Variants in LRRC37B observed in about 807,000 individuals in gnomAD.
LRRC37B encodes leucine rich repeat containing 37B.
A neutral mutation model predicts 98.3 loss-of-function variants in LRRC37B; 28 were observed. That is an observed-to-expected ratio of 0.28 (90% CI 0.21 to 0.39). The LOEUF is 0.39. LRRC37B is among the 10% of genes least tolerant of loss of function. LRRC37B has a pLI of 1.00. For synonymous variants in LRRC37B, 364 were observed against 442.7 expected (o/e 0.82, Z 2.23); for missense variants, 938 against 1,182.7 (o/e 0.79, Z 3.03).
At chr17:32,021,423 A>T in exon 1 of LRRC37B, 1 of 1,613,636 alleles carries the variant, frequency 6.2e-7, no homozygotes, top group Non-Finnish European at 8.5e-7. Context: ...ACCAACTGAA[A>T]ATTTGGCTCC....
intron 8 of LRRC37B, 185 bp from the exon 12 acceptor site, chr17:32,047,576 T>A: frequency 2.4e-5 from 19 of 787,750 alleles, no homozygotes; most frequent in Non-Finnish European, 3.8e-5. Flanking sequence ...GGTGGCCATG[T>A]CTTTTCCTCC....
At chr17:32,011,863 G>A (rs188828763) in intron 1 of LRRC37B, among the ~76,000 whole-genome samples, 1 of 152,178 alleles carries the variant, frequency 6.6e-6, no homozygotes, top group East Asian at 1.9e-4. Context: ...TTTTCATTTG[G>A]TTCACAATAT....
intron 3 of LRRC37B, chr17:32,029,014 T>A (rs1333389742): frequency 6.6e-6 from 1 of 152,058 alleles, no homozygotes; most frequent in African/African-American, 2.4e-5. Flanking sequence ...TTTATTATTT[T>A]TTTTTGAGAC....
At position 32,049,575 on chromosome 17, in the gene LRRC37B, A is replaced by G. The variant is rs183971470; in HGVS notation, c.2757+181A>G. On this transcript the variant is annotated intron_variant, in intron 10 of 11. Transcript: ENST00000327564. Reference sequence around the variant, plus strand: ...ACAGTGAAATAGATTAGGGCACAAGATGAACTGTAGGCCGGGGGTGGTAGC... The same window carrying G: ...ACAGTGAAATAGATTAGGGCACAAGGTGAACTGTAGGCCGGGGGTGGTAGC... 1.0e-3 allele frequency among the ~76,000 whole-genome samples: 159 copies of G among 152,250 alleles called. 1 individual carries two copies. Among genetic ancestry groups the G allele is most frequent in the African/African-American group, 3.6e-3 (149 of 41,558 alleles).
At chr17:32,011,230 C>T (rs34986747) in intron 1 of LRRC37B, among the ~76,000 whole-genome samples, 2 of 152,038 alleles carry the variant, frequency 1.3e-5, no homozygotes, top group Non-Finnish European at 2.9e-5. Context: ...CCCCTGACCT[C>T]GTGATCCGCC....
exon 1 of LRRC37B, chr17:32,021,285 C>G (rs1462893075): frequency 1.2e-6 from 2 of 1,613,140 alleles, no homozygotes; most frequent in Non-Finnish European, 1.7e-6. Context: ...GCCACCTGAG[C>G]CCTGGTCTTC....
At chr17:32,010,941 T>A (rs901783391) in intron 1 of LRRC37B, among the ~76,000 whole-genome samples, 17 of 152,318 alleles carry the variant, frequency 1.1e-4, no homozygotes, top group African/African-American at 4.1e-4. Flanking sequence ...GTTCTATCCA[T>A]GTTGCTGCAA....
rs553321925 is a variant in LRRC37B, at chr17:32,043,377, G to T, written c.2205-2323G>T. On this transcript the variant is annotated intron_variant, in intron 7 of 11. Coordinates refer to ENST00000327564, the Ensembl canonical transcript of LRRC37B. ...GGAGTTTGAGACCAGCCTGGGCAAC[G>T]TGGTGAAACCCCATCTCTACAAAAA... Among the ~76,000 whole-genome samples, 398 of 152,096 alleles carry T rather than the reference G, an allele frequency of 2.6e-3. 1 individual carries two copies. Among genetic ancestry groups the T allele is most frequent in the African/African-American group, 9.3e-3 (385 of 41,488 alleles).
chr17:32,044,729 T>C (rs4037406), intron 7 of LRRC37B, among the ~76,000 whole-genome samples: 9 of 152,036 alleles, frequency 5.9e-5, no homozygotes, highest in Admixed American at 1.3e-4. Context: ...ATAACAAAAA[T>C]AAAAAACTAA....
chr17:32,033,299 A>G (rs1428684002), intron 5 of LRRC37B, among the ~76,000 whole-genome samples: 2 of 148,222 alleles, frequency 1.3e-5, no homozygotes, highest in Non-Finnish European at 3.0e-5. Flanking sequence ...ACTTTAACTC[A>G]AAAGAAGGAA....
chr17:32,017,697 CAAG>C (rs1293684358), upstream of LRRC37B, among the ~76,000 whole-genome samples: 1 of 151,942 alleles, frequency 6.6e-6, no homozygotes, highest in Non-Finnish European at 1.5e-5. Flanking sequence ...GAGGCTGAGG[CAAG>C]AAGATCACTT....
In LRRC37B at chr17:32,023,822, T is replaced by G. The variant is rs4038007; in HGVS notation, c.1761-889T>G. Among the ~76,000 whole-genome samples, 268 of 152,318 alleles carry G rather than the reference T, an allele frequency of 1.8e-3. 3 individuals are homozygous for G. Among genetic ancestry groups the G allele is most frequent in the Non-Finnish European group, 2.5e-3 (173 of 68,038 alleles). Reference sequence around the variant, plus strand: ...AAGTATGCTATTGTCCGCAGAACATTAAAATGATAGGAGGGAAGAGAGAGA... The same window carrying G: ...AAGTATGCTATTGTCCGCAGAACATGAAAATGATAGGAGGGAAGAGAGAGA... On this transcript the variant is annotated intron_variant, in intron 1 of 11. Transcript: ENST00000327564.
At chr17:32,037,935 G>C (rs1911297576) in intron 7 of LRRC37B, among the ~76,000 whole-genome samples, 1 of 151,862 alleles carries the variant, frequency 6.6e-6, no homozygotes, top group African/African-American at 2.4e-5. Context: ...GTGAAACCCA[G>C]TCTCTACTAA....
At chr17:32,022,008 C>CTTG (rs972357629) in exon 1 of LRRC37B, 1 of 1,613,948 alleles carries the variant, frequency 6.2e-7, no homozygotes, top group African/African-American at 1.3e-5. Flanking sequence ...CCCAGCGCAG[C>CTTG]TTCTACAGCT....
intron 7 of LRRC37B, chr17:32,041,068 G>A (rs780471556): frequency 7.8e-6 from 6 of 765,352 alleles, no homozygotes; most frequent in Admixed American, 3.5e-5. Flanking sequence ...AGTCAACTCC[G>A]GGCCCTGGCG....
At chr17:32,041,657 T>C (rs1911439271) in intron 7 of LRRC37B, 2 of 458,974 alleles carry the variant, frequency 4.4e-6, no homozygotes, top group African/African-American at 4.0e-5. Flanking sequence ...CCCGGGCCCT[T>C]GAGGTACTCC....
intron 7 of LRRC37B, chr17:32,039,828 C>T (rs1406944900): frequency 1.3e-5 from 2 of 151,722 alleles, no homozygotes; most frequent in African/African-American, 4.8e-5. Context: ...CTTCACCGGG[C>T]TGTCAGATCT....
chr17:32,047,958 T>A (rs1345754594), intron 9 of LRRC37B, 57 bp downstream of exon 12: 12 of 1,613,732 alleles, frequency 7.4e-6, no homozygotes, highest in Non-Finnish European at 1.0e-5. Flanking sequence ...AAGTTACATC[T>A]TGCCTTATCT....
chr17:32,013,982 G>T (rs1337167390), intron 1 of LRRC37B, among the ~76,000 whole-genome samples: 1 of 151,994 alleles, frequency 6.6e-6, no homozygotes, highest in Non-Finnish European at 1.5e-5. Flanking sequence ...CCTCTTACAT[G>T]TGATAGTCCT....
Sources: allele counts gnomAD v4.1 joint callset (sites outside exome capture counted in the v4.1 genomes callset), GRCh38; gene constraint gnomAD v4.1.1; transcripts MANE v1.5; gene names NCBI Gene and HGNC (gene_info 2026-07-23, HGNC 2026-07-21).